The following DDX60 variants were observed in gnomAD, a reference collection of about 807,000 sequenced individuals.
DDX60 encodes DExD/H-box helicase 60.
Under a neutral mutation model 212.8 loss-of-function variants are expected in DDX60, and 165 were observed. The observed-to-expected ratio is 0.78, with a 90% CI of 0.68 to 0.88. The LOEUF (loss-of-function observed/expected upper bound fraction) is 0.88. DDX60 is among the 40% of genes least tolerant of loss of function. The pLI is 0.00. For missense variants in DDX60, 1,905 were observed against 2,003.9 expected (o/e 0.95, Z 0.94); for synonymous variants, 703 against 685.3 (o/e 1.03, Z -0.40).
Position 168,262,789 on chromosome 4 carries a change from T to C in DDX60, c.3040-2A>G. ...AGGAGGGAATCCATACCTTTCAATC[T>C]GTTTAAAATAAAATTAAAATTTTTA... On this transcript the variant is annotated splice_acceptor_variant, in intron 22 of 37. Coordinates refer to ENST00000393743, the MANE Select transcript of DDX60 (RefSeq NM_017631.6). LOFTEE classifies it high-confidence loss of function. 6.4e-7 allele frequency: 1 copy of C among 1,573,258 alleles called. No individual in the cohort carries two copies. Among genetic ancestry groups the C allele is most frequent in the South Asian group, 1.2e-5 (1 of 83,200 alleles).
intron 26 of DDX60, 101 bp downstream of exon 26, chr4:168,255,610 A>G (rs1220256510): frequency 4.8e-6 from 5 of 1,044,406 alleles, no homozygotes; most frequent in Non-Finnish European, 6.7e-6. Flanking sequence ...CCAAGCGACA[A>G]CTAGAACTTA....
At chr4:168,287,253 TAAAG>T in intron 9 of DDX60, 50 bp from the exon 10 acceptor site, 2 of 1,456,560 alleles carry the variant, frequency 1.4e-6, no homozygotes, top group Non-Finnish European at 1.9e-6. Context: ...CACTCCCACA[TAAAG>T]AATCATTAGT....
At position 168,308,124 on chromosome 4, in the gene DDX60, G is replaced by A; in HGVS notation, c.146C>T (p.Thr49Ile). 1.2e-6 allele frequency: 2 copies of A among 1,607,112 alleles called. No homozygotes were observed. Among genetic ancestry groups the A allele is most frequent in the Non-Finnish European group, 1.7e-6 (2 of 1,175,334 alleles). ...FLIDGDSLLI[T>I]CICEISFKPG... ...CTTAAATGATATCTCACAGATACATGTGATAAGTAATGAATCCCCATCAAT... is the reference window on the plus strand; with the variant it reads ...CTTAAATGATATCTCACAGATACATATGATAAGTAATGAATCCCCATCAAT... The change falls in exon 4 of 38, where the codon ACA (threonine) becomes ATA (isoleucine). Residue 49 changes from threonine (T) to isoleucine (I), a missense_variant. Physicochemically the swap from Thr to Ile is moderately conservative, Grantham distance 89 (BLOSUM62 -1). Transcript: ENST00000393743.
intron 36 of DDX60, 55 bp downstream of exon 36, chr4:168,221,675 C>A: frequency 6.6e-7 from 1 of 1,506,826 alleles, no homozygotes; most frequent in Non-Finnish European, 9.0e-7. Context: ...TAAATTAATT[C>A]ATTAGAGATG....
intron 14 of DDX60, among the ~76,000 whole-genome samples, chr4:168,276,539 A>G (rs943423729): frequency 6.6e-6 from 1 of 152,208 alleles, no homozygotes; most frequent in East Asian, 1.9e-4. Context: ...ATTACTTGAA[A>G]TATCTGGTTA....
At chr4:168,323,019 T>C (rs1737636202), upstream of DDX60, among the ~76,000 whole-genome samples, 1 of 152,126 alleles carries the variant, frequency 6.6e-6, no homozygotes, top group African/African-American at 2.4e-5. Flanking sequence ...TGGGAAGGCT[T>C]TGGAGCTGGG....
chr4:168,250,481 ATTTCAATCCCCT>A lies in DDX60; in HGVS notation c.3858+461_3858+472del, dbSNP rs1168845915. Among the ~76,000 whole-genome samples the A allele has an allele frequency of 6.6e-5, 10 of 151,408 alleles. No individual in the cohort carries two copies. The East Asian group carries it at 1.6e-3, about 24-fold the overall frequency. ...CAAAAAGAGATAAACTGAGTAGTAC[ATTTCAATCCCCT>A]TTTCAATTAAATAAGACAGAGGATA... On this transcript the variant is annotated intron_variant, in intron 28 of 37. Transcript: ENST00000393743.
chr4:168,223,639 A>G (rs1387655594), intron 35 of DDX60, among the ~76,000 whole-genome samples: 1 of 152,096 alleles, frequency 6.6e-6, no homozygotes, highest in Non-Finnish European at 1.5e-5. Flanking sequence ...ATAAAAATGT[A>G]TGTGTTCATT....
At chr4:168,318,502 C>G (rs1303279058) in intron 1 of DDX60, 120 bp downstream of exon 1, 1 of 152,388 alleles carries the variant, frequency 6.6e-6, no homozygotes, top group Non-Finnish European at 1.5e-5. Flanking sequence ...CCCAGATTCC[C>G]GCGCCCCGAG....
In DDX60 at chr4:168,254,846, G is replaced by A. The variant is rs1481018277; in HGVS notation, c.3557+865C>T. On this transcript the variant is annotated intron_variant, in intron 26 of 37. Coordinates refer to ENST00000393743, the MANE Select transcript of DDX60 (RefSeq NM_017631.6). ...GAGGTAGAAAAGTAAGTCATGTGAG[G>A]AGAATCATAAATATTGAGTATTGGT... Among the ~76,000 whole-genome samples, 9 of 152,158 alleles carry A rather than the reference G, an allele frequency of 5.9e-5. 1 individual carries two copies. The highest frequency in any genetic ancestry group is 5.8e-4 in the East Asian group (3 of 5,194).
rs76527646 is a variant in DDX60 at position 168,273,958 on chromosome 4, C to A, written c.2430G>T (p.Val810=). 0.012 allele frequency: 20,004 copies of A among 1,614,010 alleles called. 1,111 individuals carry two copies. The East Asian group carries it at 0.17, about 14-fold the overall frequency. ...EKVLKESDDG[V]VVYVAPTKAL... is the part of the protein sequence containing the mutation. ...CCTTTGTGGGTGCAACGTACACGAC[C>A]ACCCCGTCGTCGCTCTCCTTCAGCA... is the stretch of plus-strand genomic sequence containing the variant. The change falls in exon 17 of 38, where the codon GTG becomes GTT. Residue 810 remains valine, a synonymous_variant. Transcript: ENST00000393743.
At position 168,260,963 on chromosome 4, in the gene DDX60, A is replaced by G; in HGVS notation, c.3300T>C (p.Ser1100=). The change falls in exon 25 of 38, where the codon AGT becomes AGC. Residue 1100 remains serine (S), a synonymous_variant. Transcript: ENST00000393743. ...EQARMVLQNL[S]PEADLSPENM... is the part of the protein sequence containing the mutation. Reference sequence around the variant, plus strand: ...TTTCTGGACTCAAATCTGCTTCAGGACTAAGATTCTGAAGTACCATTCTGG... The same window carrying G: ...TTTCTGGACTCAAATCTGCTTCAGGGCTAAGATTCTGAAGTACCATTCTGG... 3.1e-6 allele frequency: 5 copies of G among 1,613,432 alleles called. No individual in the cohort carries two copies. The South Asian group carries it at 5.5e-5, about 18-fold the overall frequency.
At chr4:168,324,450 A>G in the DDX60 span, among the ~76,000 whole-genome samples, 1 of 152,204 alleles carries the variant, frequency 6.6e-6, no homozygotes, top group Non-Finnish European at 1.5e-5. Flanking sequence ...GCACTAACAG[A>G]GATGCCTGCC....
intron 35 of DDX60, among the ~76,000 whole-genome samples, chr4:168,223,325 G>T (rs1187370316): frequency 6.6e-6 from 1 of 151,808 alleles, no homozygotes; most frequent in Non-Finnish European, 1.5e-5. Flanking sequence ...AACAATAAAA[G>T]CAAAACAATT....
Position 168,240,872 on chromosome 4 carries a change from C to T in DDX60, c.4165-3077G>A, listed in dbSNP as rs1002565068. On this transcript the variant is annotated intron_variant, in intron 30 of 37. Transcript: ENST00000393743. ...ACCTAGGCAATACTATTCAGGACAT[C>T]GGCATGGGCAATATTTCATAATTGA... is the stretch of plus-strand genomic sequence containing the variant. Among the ~76,000 whole-genome samples, 7 of 152,222 alleles carry T rather than the reference C, an allele frequency of 4.6e-5. No homozygotes were observed. In the South Asian group the frequency reaches 6.2e-4, roughly 14 times the overall value.
At chr4:168,245,913 GA>G (rs1013569855) in intron 30 of DDX60, among the ~76,000 whole-genome samples, 174 of 148,628 alleles carry the variant, frequency 1.2e-3, no homozygotes, top group African/African-American at 2.8e-3. Flanking sequence ...AAAACTGGCT[GA>G]AAAAAAAAAT....
At chr4:168,311,391 T>C in intron 1 of DDX60, 26 bp from the exon 2 acceptor site, 1 of 896,072 alleles carries the variant, frequency 1.1e-6, no homozygotes, top group Non-Finnish European at 1.7e-6. Flanking sequence ...AGAAAATGAG[T>C]CTTTATTCAA....
chr4:168,236,368 T>C lies in DDX60; in HGVS notation c.4417A>G (p.Lys1473Glu). Residue 1473 changes from lysine (K) to glutamate (E), a missense_variant, in exon 33 of 38, where the codon AAA becomes GAA. Physicochemically the swap from Lys to Glu is moderately conservative, Grantham distance 56. Coordinates refer to ENST00000393743, the MANE Select transcript of DDX60 (RefSeq NM_017631.6). ...TCCATAACGTCTTGAGAAAAATGTTTTGAGCCTATATAAAACAAAGTGTCT... is the reference window on the plus strand; with the variant it reads ...TCCATAACGTCTTGAGAAAAATGTTCTGAGCCTATATAAAACAAAGTGTCT... ...DLCQPTRKGS[K>E]HFSQDVMEKL... 6.2e-7 allele frequency: 1 copy of C among 1,603,578 alleles called. No homozygotes were observed.
intron 7 of DDX60, among the ~76,000 whole-genome samples, chr4:168,293,556 G>C (rs145525438): frequency 1.2e-3 from 188 of 152,220 alleles, no homozygotes; most frequent in African/African-American, 4.2e-3. Flanking sequence ...TCTTTTGGAT[G>C]ATTTAGACTA....
Sources: gnomAD v4.1 joint callset for allele counts (sites outside exome capture counted in the v4.1 genomes callset) on GRCh38, gnomAD v4.1.1 for gene constraint, MANE v1.5 for transcripts, NCBI Gene and HGNC (gene_info 2026-07-23, HGNC 2026-07-21) for gene names.